Variants in ERN2 observed in about 807,000 individuals in gnomAD.
The protein encoded by ERN2 is serine/threonine-protein kinase/endoribonuclease IRE2.
ERN2 carries 111 observed loss-of-function variants against 107.9 expected under a neutral mutation model. That is an observed-to-expected ratio of 1.03 (90% confidence interval 0.88 to 1.20). The LOEUF (loss-of-function observed/expected upper bound fraction) is 1.20. ERN2 is among the 50% of genes most tolerant of loss of function. The pLI is 0.00. For synonymous variants in ERN2, 524 were observed against 501.7 expected (o/e 1.04, Z -0.59); for missense variants, 1,225 against 1,197.9 (o/e 1.02, Z -0.33).
chr16:23,707,506 G>A, intron 4 of ERN2: 1 of 196,946 alleles, frequency 5.1e-6, no homozygotes. Context: ...TTGGGCCCAG[G>A]AATTCAAGAC....
At position 23,695,434 on chromosome 16, in the gene ERN2, G is replaced by A. The variant is rs1450582150; in HGVS notation, c.1611-45C>T. 12 of 1,530,604 alleles carry A rather than the reference G, an allele frequency of 7.8e-6. No individual in the cohort carries two copies. In the East Asian group the frequency reaches 1.7e-4, roughly 22 times the overall value. 94.8% of individuals were successfully genotyped at this position (1,530,604 alleles called of 1,614,324 possible). ...GGGGGCAGGGGGGCATTCAGGGAAA[G>A]CAGATAAAGGGACAAACATGGTGGC... On this transcript the variant is annotated intron_variant, in intron 14 of 21. Transcript: ENST00000256797.
At position 23,691,613 on chromosome 16, in the gene ERN2, C is replaced by A. The variant is rs1050911393; in HGVS notation, c.2377-188G>T. Among the ~76,000 whole-genome samples, 4 of 152,242 alleles carry A rather than the reference C, an allele frequency of 2.6e-5. No individual in the cohort carries two copies. The South Asian group carries it at 8.3e-4, about 31-fold the overall frequency. ...TGAGCTTGGTACTGCTGTCCCTATT[C>A]TACAGATTGAGCAAACTGCAGTTCA... On this transcript the variant is annotated intron_variant, in intron 19 of 21. Transcript: ENST00000256797.
intron 2 of ERN2, 73 bp from the exon 3 acceptor site, chr16:23,710,622 G>A (rs1434564725): frequency 6.6e-7 from 1 of 1,526,436 alleles, no homozygotes; most frequent in Non-Finnish European, 9.1e-7. Flanking sequence ...CATATTCACT[G>A]AGCTATGGCA....
intron 20 of ERN2, 42 bp downstream of exon 20, chr16:23,691,260 A>T (rs754017290): frequency 6.2e-7 from 1 of 1,611,972 alleles, no homozygotes. Context: ...GCCCAGGCCC[A>T]CTCCCCTCCA....
intron 19 of ERN2, 90 bp downstream of exon 19, chr16:23,691,873 T>G: frequency 6.6e-7 from 1 of 1,507,860 alleles, no homozygotes; most frequent in South Asian, 1.3e-5. Flanking sequence ...CTCTTCCTGT[T>G]TTCCCTCAGC....
At position 23,708,141 on chromosome 16, in the gene ERN2, G is replaced by T. The variant is rs368650592; in HGVS notation, c.307-1062C>A. On this transcript the variant is annotated intron_variant, in intron 4 of 21. Transcript: ENST00000256797. ...TCGGGACAGCTCTCTCCAGCTCCAG[G>T]CTGTGGTAGCTGCTCCCTCCCCAGC... is the stretch of plus-strand genomic sequence containing the variant. Among the ~76,000 whole-genome samples the T allele has an allele frequency of 3.9e-5, 6 of 152,232 alleles. No homozygotes were observed. The East Asian group carries it at 1.2e-3, about 29-fold the overall frequency.
intron 4 of ERN2, among the ~76,000 whole-genome samples, chr16:23,708,967 A>G (rs1180559962): frequency 6.6e-6 from 1 of 152,204 alleles, no homozygotes; most frequent in Non-Finnish European, 1.5e-5. Flanking sequence ...GTGGTTTCCT[A>G]TACTCTGCTC....
At chr16:23,701,972 A>AACG (rs1296607218) in intron 11 of ERN2, among the ~76,000 whole-genome samples, 180 bp downstream of exon 11, 3 of 49,958 alleles carry the variant, frequency 6.0e-5, no homozygotes, top group Non-Finnish European at 3.1e-4. Context: ...TTCTGGCAGT[A>AACG]ACAACAACAA....
chr16:23,696,498 T>C (rs1959830978), intron 13 of ERN2, among the ~76,000 whole-genome samples: 1 of 152,156 alleles, frequency 6.6e-6, no homozygotes, highest in African/African-American at 2.4e-5. Context: ...GGAAGAGTGA[T>C]GAGAGTGAGT....
chr16:23,696,172 A>G (rs1415437245), intron 13 of ERN2, among the ~76,000 whole-genome samples, 194 bp from the exon 14 acceptor site: 1 of 152,230 alleles, frequency 6.6e-6, no homozygotes, highest in Non-Finnish European at 1.5e-5. Flanking sequence ...TTCTTTGTCT[A>G]CTTAGGCAAA....
At chr16:23,700,750 CCCCGTGATGGG>C in intron 12 of ERN2, 46 bp from the exon 13 acceptor site, 1 of 1,571,836 alleles carries the variant, frequency 6.4e-7, no homozygotes, top group South Asian at 1.2e-5. Flanking sequence ...CCACGCCCTG[CCCCGTGATGGG>C]CCCAGTATCT....
Position 23,695,387 on chromosome 16 carries a change from C to A in ERN2, c.1613G>T (p.Gly538Val). ...AGCCACTGCCCGTCCCTCAAACTGT[C>A]CCCTGGAAAGTGGGTGATGGCGGGG... is the stretch of plus-strand genomic sequence containing the variant. Reference protein sequence around the residue: ...RGAGGTFVFRGQFEGRAVAVK... With the variant: ...RGAGGTFVFRVQFEGRAVAVK... Residue 538 changes from glycine (G) to valine (V), a missense_variant and splice_region_variant, in exon 15 of 22, where the codon GGA becomes GTA. Coordinates refer to ENST00000256797, the MANE Select transcript of ERN2 (RefSeq NM_033266.4). The A allele has an allele frequency of 6.3e-7, 1 of 1,589,754 alleles. No homozygotes were observed. The highest frequency in any genetic ancestry group is 8.6e-7 in the Non-Finnish European group (1 of 1,167,944).
Position 23,704,583 on chromosome 16 carries a change from G to A in ERN2, c.854+300C>T, listed in dbSNP as rs139317903. Reference sequence around the variant, plus strand: ...AAACCTCTTTCTTTTGTAAATTGCCGAGTCTTGGGTATGTCTTTATCAGCA... The same window carrying A: ...AAACCTCTTTCTTTTGTAAATTGCCAAGTCTTGGGTATGTCTTTATCAGCA... On this transcript the variant is annotated intron_variant, in intron 8 of 21. Coordinates refer to ENST00000256797, the MANE Select transcript of ERN2 (RefSeq NM_033266.4). 2.4e-3 allele frequency among the ~76,000 whole-genome samples: 372 copies of A among 152,222 alleles called. 8 individuals carry two copies. The highest frequency in any genetic ancestry group is 4.0e-4 in the Non-Finnish European group (27 of 68,020).
chr16:23,700,552 G>T lies in ERN2; in HGVS notation c.1512C>A (p.Leu504=), dbSNP rs764325527. Residue 504 remains leucine, a synonymous_variant, in exon 13 of 22, where the codon CTC becomes CTA. Coordinates refer to ENST00000256797, the MANE Select transcript of ERN2 (RefSeq NM_033266.4). The part of the protein sequence containing the change: ...LQSPSKQAQP[L]DDPEAEQLTV... ...ACACAGGCTCACCTTCAGGGTCGTC[G>T]AGTGGCTGGGCTTGCTTTGAGGGAC... 1.9e-6 allele frequency: 3 copies of T among 1,612,488 alleles called. No homozygotes were observed. The highest frequency in any genetic ancestry group is 2.5e-6 in the Non-Finnish European group (3 of 1,179,330).
chr16:23,702,366 C>T (rs773393295), intron 10 of ERN2, 24 bp downstream of exon 10: 3 of 1,611,018 alleles, frequency 1.9e-6, no homozygotes, highest in Non-Finnish European at 2.5e-6. Flanking sequence ...TCATCTACTC[C>T]CAATTTGAGC....
chr16:23,705,737 A>G (rs1960278599), intron 7 of ERN2, among the ~76,000 whole-genome samples: 1 of 151,506 alleles, frequency 6.6e-6, no homozygotes, highest in Non-Finnish European at 1.5e-5. Context: ...ACATAGCAAG[A>G]CCCCATCTCT....
chr16:23,693,099 C>A (rs183408638), intron 17 of ERN2, among the ~76,000 whole-genome samples: 125 of 151,974 alleles, frequency 8.2e-4, no homozygotes, highest in East Asian at 7.7e-4. Context: ...TCAAGACCAG[C>A]GTGGGCAACA....
intron 8 of ERN2, among the ~76,000 whole-genome samples, chr16:23,704,325 C>G (rs1960209501): frequency 1.3e-5 from 2 of 152,170 alleles, no homozygotes; most frequent in African/African-American, 4.8e-5. Flanking sequence ...CTTGAATTTC[C>G]ATGGGTTGTG....
At chr16:23,710,710 G>T (rs1960506498) in intron 2 of ERN2, among the ~76,000 whole-genome samples, 161 bp from the exon 3 acceptor site, 1 of 152,192 alleles carries the variant, frequency 6.6e-6, no homozygotes, top group Non-Finnish European at 1.5e-5. Context: ...CATATCCTTT[G>T]CCCCATTTTA....
Sources: gnomAD v4.1 joint callset for allele counts (sites outside exome capture counted in the v4.1 genomes callset) on GRCh38, gnomAD v4.1.1 for gene constraint, MANE v1.5 for transcripts, NCBI Gene and HGNC (gene_info 2026-07-23, HGNC 2026-07-21) for gene names.